PAX3: variants seen among roughly 807,000 people sequenced by gnomAD.
PAX3 encodes the protein paired box 3.
PAX3 carries 14 observed loss-of-function variants against 51.6 expected under a neutral mutation model. That is an observed-to-expected ratio of 0.27 (90% CI 0.18 to 0.42). The LOEUF is 0.42. Ranked by LOEUF, PAX3 falls within the 10% of genes least tolerant of loss-of-function variation. The pLI is 1.00. For synonymous variants in PAX3, 280 were observed against 253.4 expected, an observed-to-expected ratio of 1.11 and a Z score of -1.00; for missense variants, 540 against 642.8, an observed-to-expected ratio of 0.84 and a Z score of 1.73.
intron 1 of PAX3, 151 bp downstream of exon 1, chr2:222,298,380 C>T: frequency 1.5e-6 from 1 of 650,088 alleles, no homozygotes; most frequent in Non-Finnish European, 2.7e-6. Context: ...TCGAGTAGGT[C>T]CTCGCCCCCG....
intron 4 of PAX3, among the ~76,000 whole-genome samples, chr2:222,248,861 C>CA (rs1478174171): frequency 6.6e-6 from 1 of 151,946 alleles, no homozygotes; most frequent in Non-Finnish European, 1.5e-5. Context: ...CACAATGCTA[C>CA]AAAAAATCTG....
At chr2:222,202,475 C>T (rs1260761234) in intron 7 of PAX3, among the ~76,000 whole-genome samples, 2 of 151,842 alleles carry the variant, frequency 1.3e-5, no homozygotes, top group African/African-American at 4.8e-5. Context: ...GAGATTACAC[C>T]ACGTCCCTAG....
intron 3 of PAX3, among the ~76,000 whole-genome samples, chr2:222,295,024 G>A (rs1401466056): frequency 6.6e-6 from 1 of 151,614 alleles, no homozygotes; most frequent in Non-Finnish European, 1.5e-5. Flanking sequence ...CCTCTCGCTG[G>A]CCCCGTGCTT....
At chr2:222,204,849 G>T (rs1691443587) in intron 7 of PAX3, among the ~76,000 whole-genome samples, 1 of 152,054 alleles carries the variant, frequency 6.6e-6, no homozygotes, top group African/African-American at 2.4e-5. Context: ...TCACTTTAAG[G>T]GAGAAATGGA....
intron 4 of PAX3, among the ~76,000 whole-genome samples, chr2:222,286,101 C>A (rs1450484808): frequency 1.3e-5 from 2 of 152,216 alleles, no homozygotes; most frequent in South Asian, 4.1e-4. Context: ...TCACACCCAG[C>A]TAATTTTTAT....
In PAX3 at chr2:222,294,169, C is replaced by G. The variant is rs779201672; in HGVS notation, c.584G>C (p.Arg195Pro). The change falls in exon 4 of 9, where the codon CGA (arginine) becomes CCA (proline). Residue 195 changes from arginine to proline, a missense_variant and splice_region_variant. Physicochemically the swap from Arg to Pro is moderately radical, Grantham distance 103. This residue lies in a region of PAX3 where 427 missense variants were observed against 483.6 expected (regional missense o/e 0.88). Coordinates refer to ENST00000392070, the MANE Select transcript of PAX3 (RefSeq NM_181458.4). ...KHSIDGILSE[R>P]ASAPQSDEGS... is the part of the protein sequence containing the mutation. ...CCGCCCAAGGCGCCACCGCTTACCT[C>G]GCTCGCTCAGGATGCCGTCGATGCT... 4 of 1,614,276 alleles carry G rather than the reference C, an allele frequency of 2.5e-6. No individual in the cohort carries two copies. The highest frequency in any genetic ancestry group is 3.4e-6 in the Non-Finnish European group (4 of 1,180,042).
chr2:222,278,626 A>G (rs1304357946), intron 4 of PAX3, among the ~76,000 whole-genome samples: 1 of 152,216 alleles, frequency 6.6e-6, no homozygotes, highest in African/African-American at 2.4e-5. Context: ...CTCTTGGTCC[A>G]ACCTGGCTAT....
chr2:222,257,160 C>T (rs1693676718), intron 4 of PAX3, among the ~76,000 whole-genome samples: 1 of 151,856 alleles, frequency 6.6e-6, no homozygotes, highest in African/African-American at 2.4e-5. Flanking sequence ...AGGTGCCTTG[C>T]TCTTAGCAGG....
intron 7 of PAX3, among the ~76,000 whole-genome samples, chr2:222,213,158 A>T (rs1691813456): frequency 6.6e-6 from 1 of 152,162 alleles, no homozygotes; most frequent in Non-Finnish European, 1.5e-5. Flanking sequence ...TGGGTGCTAC[A>T]TTCTCCCTTT....
rs1290309443 is a variant in PAX3 at position 222,298,544 on chromosome 2, C to G, written c.72G>C (p.Gly24=). The G allele has an allele frequency of 6.2e-7, 1 of 1,604,886 alleles. No homozygotes were observed. ...PGPGQNYPRS[G]FPLEVSTPLG... ...GCCCTCCCTTACCTTCCAGCGGGAA[C>G]CCGCTACGCGGGTAGTTCTGCCCCG... Residue 24 remains glycine (G), a synonymous_variant, in exon 1 of 9, where the codon GGG becomes GGC. Coordinates refer to ENST00000392070, the MANE Select transcript of PAX3 (RefSeq NM_181458.4).
chr2:222,232,037 G>T, intron 5 of PAX3, 41 bp downstream of exon 5: 3 of 1,571,782 alleles, frequency 1.9e-6, no homozygotes, highest in Admixed American at 3.3e-5. Context: ...TTTGTTTCCT[G>T]TCTGGACTGA....
intron 4 of PAX3, among the ~76,000 whole-genome samples, chr2:222,258,205 C>A (rs1172411471): frequency 1.3e-5 from 2 of 152,106 alleles, no homozygotes; most frequent in Admixed American, 6.5e-5. Context: ...GTGGAAAAAA[C>A]AATATATTTG....
At chr2:222,205,085 A>C (rs1469788875) in intron 7 of PAX3, among the ~76,000 whole-genome samples, 1 of 152,230 alleles carries the variant, frequency 6.6e-6, no homozygotes, top group Non-Finnish European at 1.5e-5. Flanking sequence ...TCCTATAAGC[A>C]AAAATCAGCT....
rs202072334 is a variant in PAX3 at position 222,277,944 on chromosome 2, A to AG, written c.586+16222_586+16223insC. 8.4e-3 allele frequency among the ~76,000 whole-genome samples: 1,260 copies of AG among 149,972 alleles called. 15 individuals are homozygous for AG. The highest frequency in any genetic ancestry group is 0.021 in the African/African-American group (877 of 41,070). The stretch of plus-strand genomic sequence containing the variant: ...CGAGACTCCATCTCAAAAAAAAAAA[A>AG]AAAAAATTGAGTTTTTGTGTGATTT... On this transcript the variant is annotated intron_variant, in intron 4 of 8. Transcript: ENST00000392070.
chr2:222,277,838 G>A (rs1275406625), intron 4 of PAX3, among the ~76,000 whole-genome samples: 1 of 151,262 alleles, frequency 6.6e-6, no homozygotes. Flanking sequence ...GGAGGCTGAG[G>A]CAGGAGAATC....
intron 5 of PAX3, among the ~76,000 whole-genome samples, chr2:222,230,583 A>G (rs1574659482): frequency 6.6e-6 from 1 of 152,198 alleles, no homozygotes; most frequent in East Asian, 1.9e-4. Flanking sequence ...AAGGTTGGGC[A>G]TGGTGGCTCA....
chr2:222,274,052 G>T (rs2106163365), intron 4 of PAX3, among the ~76,000 whole-genome samples: 1 of 152,246 alleles, frequency 6.6e-6, no homozygotes, highest in Admixed American at 6.5e-5. Context: ...CAAAGGACTT[G>T]TGAAATAAAA....
intron 4 of PAX3, among the ~76,000 whole-genome samples, chr2:222,270,820 G>A (rs1460639128): frequency 5.9e-5 from 9 of 152,128 alleles, no homozygotes; most frequent in African/African-American, 9.7e-5. Context: ...GATATGCAGC[G>A]GTGTGCTGCT....
At chr2:222,279,512 G>A (rs113984722) in intron 4 of PAX3, among the ~76,000 whole-genome samples, 1 of 152,184 alleles carries the variant, frequency 6.6e-6, no homozygotes, top group African/African-American at 2.4e-5. Context: ...AGGAGGGTTA[G>A]GTGGTAGGAG....
Sources: gnomAD v4.1 joint callset for allele counts (sites outside exome capture counted in the v4.1 genomes callset) on GRCh38, gnomAD v4.1.1 for gene constraint, gnomAD v4.1.1 regional missense constraint, MANE v1.5 for transcripts, NCBI Gene and HGNC (gene_info 2026-07-23, HGNC 2026-07-21) for gene names.